PPL: variants seen among roughly 807,000 people sequenced by gnomAD.
PPL encodes the protein periplakin.
In PPL, 198 loss-of-function variants were observed where a neutral mutation model predicts 194.4. That is an observed-to-expected ratio of 1.02 (90% CI 0.91 to 1.15). The LOEUF (loss-of-function observed/expected upper bound fraction) is 1.15, where lower values mean the gene tolerates loss of function less well. PPL is among the 50% of genes most tolerant of loss of function. The pLI is 0.00. For missense variants in PPL, 2,885 were observed against 2,294.8 expected (o/e 1.26, Z -5.25); for synonymous variants, 1,220 against 972.4 (o/e 1.25, Z -4.74).
At chr16:4,908,016 G>T (rs1364374826) in intron 2 of PPL, among the ~76,000 whole-genome samples, 1 of 150,950 alleles carries the variant, frequency 6.6e-6, no homozygotes, top group Admixed American at 6.6e-5. Flanking sequence ...AAATAAATTA[G>T]CTGGGCGTGG....
In PPL at chr16:4,937,023, C is replaced by G; in HGVS notation, c.23G>C (p.Arg8Thr). Residue 8 changes from arginine to threonine, a missense_variant, in exon 1 of 22, where the codon AGA (arginine) becomes ACA (threonine). By Grantham distance (71) the Arg-to-Thr change is moderately conservative (BLOSUM62 -1). Coordinates refer to ENST00000345988, the MANE Select transcript of PPL (RefSeq NM_002705.5). MNSLFRK[R>T]NKGKYSPTVQ... ...AGTGGGGCTGTATTTGCCTTTGTTT[C>G]TCTTCCTGAAGAGCGAGTTCATGGT... 6.5e-7 allele frequency: 1 copy of G among 1,528,656 alleles called. No individual in the cohort carries two copies. Among genetic ancestry groups the G allele is most frequent in the Non-Finnish European group, 8.8e-7 (1 of 1,135,762 alleles). 94.7% of individuals were successfully genotyped at this position (1,528,656 alleles called of 1,614,324 possible). A position where few individuals can be genotyped will look rare whatever the true frequency, so the allele number is the denominator to read the frequency against.
Position 4,901,102 on chromosome 16 carries a change from G to A in PPL, c.439-13C>T. ...TGTTCAGCTTGTCCTGGCCAGGAGG[G>A]CAGAGAAGCAATAAGGAGAGGGTGG... On this transcript the variant is annotated splice_polypyrimidine_tract_variant and intron_variant, in intron 4 of 21. Transcript: ENST00000345988. 6.2e-7 allele frequency: 1 copy of A among 1,613,750 alleles called. No homozygotes were observed. Among genetic ancestry groups the A allele is most frequent in the South Asian group, 1.1e-5 (1 of 91,030 alleles).
rs1298812815 is a variant in PPL, at chr16:4,884,349, C to G, written c.4306G>C (p.Glu1436Gln). The G allele has an allele frequency of 6.2e-7, 1 of 1,612,460 alleles. No individual in the cohort carries two copies. The highest frequency in any genetic ancestry group is 8.5e-7 in the Non-Finnish European group (1 of 1,179,710). The change falls in exon 22 of 22, where the codon GAG becomes CAG. Residue 1436 changes from glutamate (E) to glutamine (Q), a missense_variant. Coordinates refer to ENST00000345988, the MANE Select transcript of PPL (RefSeq NM_002705.5). The surrounding 1 kb of genome is among the most constrained non-coding windows in gnomAD (Gnocchi z 5.7). The part of the protein sequence containing the change: ...RLAALEQEEA[E>Q]AREKVTHTQK... The stretch of plus-strand genomic sequence containing the variant: ...GTATGGGTTACCTTCTCACGGGCCT[C>G]AGCTTCTTCCTGCTCCAGCGCTGCC...
At position 4,894,575 on chromosome 16, in the gene PPL, T is replaced by G. The variant is rs764998866; in HGVS notation, c.1286A>C (p.Asn429Thr). The G allele has an allele frequency of 7.4e-6, 12 of 1,613,728 alleles. No individual in the cohort carries two copies. ...GTCCATGAGCTCCCAGCTCTCCCCG[T>G]TGTTCTTCTGCAGGGTGTAGCTGTA... ...RGYSYTLQKNNGESWELMDSA... is the reference protein window; with the variant it reads ...RGYSYTLQKNTGESWELMDSA... The change falls in exon 12 of 22, where the codon AAC (asparagine) becomes ACC (threonine). Residue 429 changes from asparagine to threonine, a missense_variant. Asn to Thr is a moderately conservative substitution (Grantham distance 65). Transcript: ENST00000345988.
chr16:4,899,436 C>T (rs1202557087), intron 6 of PPL, 52 bp from the exon 7 acceptor site: 2 of 1,145,238 alleles, frequency 1.7e-6, no homozygotes, highest in East Asian at 1.2e-4. Flanking sequence ...GCTGCCACTG[C>T]TCGCTTCCTT....
intron 1 of PPL, among the ~76,000 whole-genome samples, chr16:4,922,111 G>C (rs2089061911): frequency 6.6e-6 from 1 of 152,144 alleles, no homozygotes; most frequent in South Asian, 2.1e-4. Context: ...GTGGCCCAGT[G>C]GTTAAGCACC....
At chr16:4,911,238 T>C (rs1221493371) in intron 1 of PPL, among the ~76,000 whole-genome samples, 1 of 143,958 alleles carries the variant, frequency 6.9e-6, no homozygotes, top group Non-Finnish European at 1.5e-5. Flanking sequence ...CTCAGCTTAC[T>C]GCAACCTCCA....
Position 4,893,635 on chromosome 16 carries a change from C to A in PPL, c.1398G>T (p.Leu466=). Reference sequence around the variant, plus strand: ...GCCGCACGCTCCGGTACTGGCTGCCCAGGCTGTGAGGACAGAAATGAGCTG... The same window carrying A: ...GCCGCACGCTCCGGTACTGGCTGCCAAGGCTGTGAGGACAGAAATGAGCTG... The part of the protein sequence containing the change: ...DPEALALADS[L]GSQYRSVRQK... Residue 466 remains leucine, a synonymous_variant, in exon 13 of 22, where the codon CTG becomes CTT. Coordinates refer to ENST00000345988, the MANE Select transcript of PPL (RefSeq NM_002705.5). 1 of 1,586,076 alleles carries A rather than the reference C, an allele frequency of 6.3e-7. No homozygotes were observed. Among genetic ancestry groups the A allele is most frequent in the East Asian group, 2.3e-5 (1 of 43,176 alleles).
At chr16:4,888,342 G>GT in intron 19 of PPL, 124 bp from the exon 20 acceptor site, 1 of 682,316 alleles carries the variant, frequency 1.5e-6, no homozygotes, top group South Asian at 1.7e-5. Flanking sequence ...TATAATCTGC[G>GT]TGGGTCTTCC....
intron 1 of PPL, among the ~76,000 whole-genome samples, chr16:4,912,112 A>C (rs76438603): frequency 2.0e-5 from 3 of 152,232 alleles, no homozygotes; most frequent in Non-Finnish European, 4.4e-5. Flanking sequence ...ACTGGCTTTT[A>C]GTACTACACA....
rs144561256 is a variant in PPL at position 4,887,672 on chromosome 16, A to C, written c.2514+430T>G. Reference sequence around the variant, plus strand: ...GACTGAAGTGCCATGGTGTGATTGTAGCTCACTGCAGCCTTGAACTCCTGG... The same window carrying C: ...GACTGAAGTGCCATGGTGTGATTGTCGCTCACTGCAGCCTTGAACTCCTGG... On this transcript the variant is annotated intron_variant, in intron 20 of 21. Transcript: ENST00000345988. Among the ~76,000 whole-genome samples the C allele has an allele frequency of 9.1e-4, 138 of 152,288 alleles. 2 individuals carry two copies. In the East Asian group the frequency reaches 0.023, roughly 25 times the overall value.
chr16:4,922,666 C>G (rs1331562714), intron 1 of PPL, among the ~76,000 whole-genome samples: 3 of 151,766 alleles, frequency 2.0e-5, no homozygotes. Flanking sequence ...CATCTCAAAA[C>G]AAAACAAAAC....
In PPL at chr16:4,894,538, G is replaced by T; in HGVS notation, c.1323C>A (p.Asn441Lys). ...ESWELMDSAGNKLIAPAVCFV... is the reference protein window; with the variant it reads ...ESWELMDSAGKKLIAPAVCFV... Reference sequence around the variant, plus strand: ...AACACACGGCCGGAGCAATCAGCTTGTTCCCAGCGCTGTCCATGAGCTCCC... The same window carrying T: ...AACACACGGCCGGAGCAATCAGCTTTTTCCCAGCGCTGTCCATGAGCTCCC... The change falls in exon 12 of 22, where the codon AAC becomes AAA. Residue 441 changes from asparagine to lysine, a missense_variant. By Grantham distance (94) the Asn-to-Lys change is moderately conservative. Coordinates refer to ENST00000345988, the MANE Select transcript of PPL (RefSeq NM_002705.5). The T allele has an allele frequency of 6.2e-7, 1 of 1,613,966 alleles. No homozygotes were observed. Among genetic ancestry groups the T allele is most frequent in the Non-Finnish European group, 8.5e-7 (1 of 1,179,974 alleles).
In PPL at chr16:4,884,232, G is replaced by A. The variant is rs751026334; in HGVS notation, c.4423C>T (p.Leu1475Phe). ...QLEEEQHRRQLLEGELETLRR... is the reference protein window; with the variant it reads ...QLEEEQHRRQFLEGELETLRR... ...AGGGTCTCGAGCTCCCCCTCCAGGAGCTGCCGCCGGTGCTGCTCTTCTTCC... is the reference window on the plus strand; with the variant it reads ...AGGGTCTCGAGCTCCCCCTCCAGGAACTGCCGCCGGTGCTGCTCTTCTTCC... Residue 1475 changes from leucine to phenylalanine, a missense_variant, in exon 22 of 22, where the codon CTC becomes TTC. By Grantham distance (22) the Leu-to-Phe change is conservative (BLOSUM62 0). Coordinates refer to ENST00000345988, the MANE Select transcript of PPL (RefSeq NM_002705.5). This position sits in a 1 kb window ranked among gnomAD's most constrained non-coding sequence, Gnocchi z 5.7. The A allele has an allele frequency of 1.9e-6, 3 of 1,613,808 alleles. No homozygotes were observed. Among genetic ancestry groups the A allele is most frequent in the African/African-American group, 1.3e-5 (1 of 75,042 alleles).
Position 4,884,884 on chromosome 16 carries a change from G to T in PPL, c.3771C>A (p.Asp1257Glu), listed in dbSNP as rs1217901960. ...CACACCTTTCGATCAGTCTGGTCTT[G>T]TCCACGATCTCCTCCCTGAGCCGCT... is the stretch of plus-strand genomic sequence containing the variant. ...ELQRLREEIV[D>E]KTRLIERCDL... The change falls in exon 22 of 22, where the codon GAC (aspartate) becomes GAA (glutamate). Residue 1257 changes from aspartate (D) to glutamate (E), a missense_variant. Coordinates refer to ENST00000345988, the MANE Select transcript of PPL (RefSeq NM_002705.5). This position sits in a 1 kb window ranked among gnomAD's most constrained non-coding sequence, Gnocchi z 5.7. The T allele has an allele frequency of 6.2e-7, 1 of 1,614,014 alleles. No homozygotes were observed. The highest frequency in any genetic ancestry group is 1.3e-5 in the African/African-American group (1 of 74,980).
intron 20 of PPL, among the ~76,000 whole-genome samples, chr16:4,887,712 CCCT>C (rs1397164892): frequency 5.3e-5 from 8 of 152,176 alleles, no homozygotes; most frequent in African/African-American, 1.4e-4. Flanking sequence ...AAGTGATCCT[CCCT>C]CCTCAACCTC....
chr16:4,935,296 G>A (rs551566768), intron 1 of PPL, among the ~76,000 whole-genome samples: 2 of 152,238 alleles, frequency 1.3e-5, no homozygotes, highest in South Asian at 4.1e-4. Context: ...AGAGCTGCAC[G>A]AAGGAGGGAG....
rs772105164 is a variant in PPL at position 4,894,459 on chromosome 16, C to T, written c.1394+8G>A. 26 of 1,613,672 alleles carry T rather than the reference C, an allele frequency of 1.6e-5. 1 individual carries two copies. The South Asian group carries it at 2.6e-4, about 16-fold the overall frequency. On this transcript the variant is annotated splice_region_variant and intron_variant, in intron 12 of 21. Coordinates refer to ENST00000345988, the MANE Select transcript of PPL (RefSeq NM_002705.5). ...GGTCCATGCAGACTCCCGCCTTTGC[C>T]CTTGTACCTGTCAGCCAGAGCCAGG...
intron 4 of PPL, among the ~76,000 whole-genome samples, 196 bp from the exon 5 acceptor site, chr16:4,901,285 T>C (rs1411625708): frequency 2.0e-5 from 3 of 152,160 alleles, no homozygotes; most frequent in Admixed American, 6.5e-5. Flanking sequence ...TCATCTTTCA[T>C]CTCACAGAGC....
Sources: gnomAD v4.1 joint callset for allele counts (sites outside exome capture counted in the v4.1 genomes callset) on GRCh38, gnomAD v4.1.1 for gene constraint, Gnocchi (gnomAD v3.1) non-coding constraint, MANE v1.5 for transcripts, NCBI Gene and HGNC (gene_info 2026-07-23, HGNC 2026-07-21) for gene names.